Variants in SHC2 observed in about 807,000 individuals in gnomAD.
SHC2 encodes SHC adaptor protein 2.
A neutral mutation model predicts 60.6 loss-of-function variants in SHC2; 62 were observed. The ratio of observed to expected loss-of-function variants is 1.02; its 90% CI spans 0.83 to 1.26. The LOEUF is 1.26. Ranked by LOEUF, SHC2 falls within the 50% of genes most tolerant of loss-of-function variation. The probability of loss-of-function intolerance (pLI) is 0.00; values close to 1 mark genes in which losing one functional copy is unlikely to be tolerated. For missense variants in SHC2, 873 were observed against 822.2 expected (o/e 1.06, Z -0.76); for synonymous variants, 375 against 372.4 (o/e 1.01, Z -0.08).
At position 425,162 on chromosome 19, in the gene SHC2, A is replaced by C. The variant is rs1974380648; in HGVS notation, c.1244T>G (p.Val415Gly). 2.2e-6 allele frequency: 3 copies of C among 1,368,160 alleles called. No individual in the cohort carries two copies. The highest frequency in any genetic ancestry group is 1.5e-5 in the African/African-American group (1 of 66,746). The allele number at this position is 1,368,160 out of a possible 1,614,324, so 84.8% of individuals were successfully genotyped here. The change falls in exon 10 of 13, where the codon GTC becomes GGC. Residue 415 changes from valine (V) to glycine (G), a missense_variant. Physicochemically the swap from Val to Gly is moderately radical, Grantham distance 109. Coordinates refer to ENST00000264554, the MANE Select transcript of SHC2 (RefSeq NM_012435.3). This position sits in a 1 kb window ranked among gnomAD's most constrained non-coding sequence, Gnocchi z 4.1. Reference sequence around the variant, plus strand: ...GGGGGCGTCCAGACCCTGGGTGTTGACATACAGGTGCTCCTCGTGGTCCGG... The same window carrying C: ...GGGGGCGTCCAGACCCTGGGTGTTGCCATACAGGTGCTCCTCGTGGTCCGG... ...GPPDHEEHLY[V>G]NTQGLDAPEP... is the part of the protein sequence containing the mutation.
chr19:460,105 G>T (rs1260338553), intron 1 of SHC2, among the ~76,000 whole-genome samples: 1 of 152,214 alleles, frequency 6.6e-6, no homozygotes, highest in Non-Finnish European at 1.5e-5. Context: ...GGTCTGTCCG[G>T]GCGCCAGCCC....
In SHC2 at chr19:455,835, G is replaced by C. The variant is rs140436922; in HGVS notation, c.468+4694C>G. Among the ~76,000 whole-genome samples the C allele has an allele frequency of 4.5e-3, 690 of 152,122 alleles. 4 individuals are homozygous for C. Among genetic ancestry groups the C allele is most frequent in the African/African-American group, 0.016 (667 of 41,492 alleles). Reference sequence around the variant, plus strand: ...GCGCAGCCTCTTCCGGTCTCTCTCTGACTCTCACCCCCTGCTGCGAGGACA... The same window carrying C: ...GCGCAGCCTCTTCCGGTCTCTCTCTCACTCTCACCCCCTGCTGCGAGGACA... On this transcript the variant is annotated intron_variant, in intron 1 of 12. Coordinates refer to ENST00000264554, the MANE Select transcript of SHC2 (RefSeq NM_012435.3).
At chr19:439,376 G>A (rs148995921) in intron 2 of SHC2, 37 of 337,896 alleles carry the variant, frequency 1.1e-4, no homozygotes, top group Middle Eastern at 8.7e-4. Context: ...CCCTGGCCTC[G>A]GCCCACAAGG....
chr19:437,378 G>C (rs138855252), intron 4 of SHC2, among the ~76,000 whole-genome samples: 18 of 152,148 alleles, frequency 1.2e-4, no homozygotes, highest in African/African-American at 2.9e-4. Context: ...GTGCTCGTCT[G>C]CGTGCTTGTT....
intron 1 of SHC2, among the ~76,000 whole-genome samples, chr19:454,415 A>G (rs1367893114): frequency 1.3e-5 from 2 of 152,176 alleles, no homozygotes; most frequent in African/African-American, 4.8e-5. Flanking sequence ...CAGGGGAGGA[A>G]CTGACCCAGC....
At chr19:439,283 T>C (rs1974799551) in intron 2 of SHC2, 1 of 558,846 alleles carries the variant, frequency 1.8e-6, no homozygotes, top group South Asian at 2.2e-5. Flanking sequence ...ACCAGCCCAC[T>C]CCACGTGCGT....
chr19:447,597 G>C (rs926962864), intron 1 of SHC2, among the ~76,000 whole-genome samples: 1 of 152,166 alleles, frequency 6.6e-6, no homozygotes, highest in African/African-American at 2.4e-5. Context: ...TGACCAACAT[G>C]GTGAAACCCC....
In SHC2 at chr19:460,566, G is replaced by A. The variant is rs892385571; in HGVS notation, c.431C>T (p.Ala144Val). The A allele has an allele frequency of 2.1e-6, 3 of 1,418,166 alleles. No individual in the cohort carries two copies. Among genetic ancestry groups the A allele is most frequent in the Non-Finnish European group, 2.8e-6 (3 of 1,080,372 alleles). The allele number at this position is 1,418,166 out of a possible 1,614,324, so 87.8% of individuals were successfully genotyped here. Residue 144 changes from alanine (A) to valine (V), a missense_variant, in exon 1 of 13, where the codon GCC (alanine) becomes GTC (valine). Physicochemically the swap from Ala to Val is moderately conservative, Grantham distance 64. Transcript: ENST00000264554. ...GGAGACCCCGGGCCCCAGGACCCTG[G>A]CGTCGGGGTGTAGCCAGCCGTGCGC... ...KPAHGWLHPD[A>V]RVLGPGVSYV...
rs143002218 is a variant in SHC2 at position 446,450 on chromosome 19, A to G, written c.469-5518T>C. On this transcript the variant is annotated intron_variant, in intron 1 of 12. Coordinates refer to ENST00000264554, the MANE Select transcript of SHC2 (RefSeq NM_012435.3). The surrounding 1 kb of genome is among the most constrained non-coding windows in gnomAD (Gnocchi z 5.4). Reference sequence around the variant, plus strand: ...CTCAGCCTCCTGAGTAGCTGGGATTACAGGCGCCCACTACCACGCCCGGCT... The same window carrying G: ...CTCAGCCTCCTGAGTAGCTGGGATTGCAGGCGCCCACTACCACGCCCGGCT... Among the ~76,000 whole-genome samples, 123 of 152,206 alleles carry G rather than the reference A, an allele frequency of 8.1e-4. 2 individuals are homozygous for G. The East Asian group carries it at 0.019, about 24-fold the overall frequency.
intron 12 of SHC2, among the ~76,000 whole-genome samples, chr19:418,563 T>C (rs1022766003): frequency 6.6e-6 from 1 of 152,000 alleles, no homozygotes; most frequent in Non-Finnish European, 1.5e-5. Context: ...CACGGCGCAA[T>C]GCCCCTGGAG....
At chr19:451,069 G>A (rs139588277) in intron 1 of SHC2, among the ~76,000 whole-genome samples, 2,184 of 143,718 alleles carry the variant, frequency 0.015, 25 homozygotes, top group Non-Finnish European at 0.022. Context: ...GGATGGCCAC[G>A]CCGTGGCCAC....
At chr19:427,489 G>A (rs1406237104) in intron 9 of SHC2, among the ~76,000 whole-genome samples, 2 of 149,890 alleles carry the variant, frequency 1.3e-5, no homozygotes, top group Non-Finnish European at 3.0e-5. Context: ...AAGGGGAATT[G>A]CACACGGCAC....
intron 1 of SHC2, among the ~76,000 whole-genome samples, chr19:455,811 C>A (rs1427205554): frequency 6.6e-6 from 1 of 152,096 alleles, no homozygotes; most frequent in African/African-American, 2.4e-5. Context: ...GCAGCCACAG[C>A]GCAGCCTCTT....
intron 1 of SHC2, among the ~76,000 whole-genome samples, chr19:457,829 C>T (rs1185945711): frequency 6.6e-6 from 1 of 152,276 alleles, no homozygotes; most frequent in Non-Finnish European, 1.5e-5. Flanking sequence ...AACACGCCGG[C>T]CGTCGGCGTT....
rs2145729376 is a variant in SHC2 at position 441,931 on chromosome 19, G to A, written c.469-999C>T. On this transcript the variant is annotated intron_variant, in intron 1 of 12. Coordinates refer to ENST00000264554, the MANE Select transcript of SHC2 (RefSeq NM_012435.3). This position sits in a 1 kb window ranked among gnomAD's most constrained non-coding sequence, Gnocchi z 4.9. ...ATCAGCCTGAGGGCTTCTGAGGTGT[G>A]TACAGGTCACTGTGTGGGCCGGCCC... Among the ~76,000 whole-genome samples, 2 of 152,362 alleles carry A rather than the reference G, an allele frequency of 1.3e-5. No individual in the cohort carries two copies. The highest frequency in any genetic ancestry group is 4.1e-4 in the South Asian group (2 of 4,830).
At position 440,349 on chromosome 19, in the gene SHC2, C is replaced by T. The variant is rs368777364; in HGVS notation, c.539+513G>A. On this transcript the variant is annotated intron_variant, in intron 2 of 12. Coordinates refer to ENST00000264554, the MANE Select transcript of SHC2 (RefSeq NM_012435.3). This position sits in a 1 kb window ranked among gnomAD's most constrained non-coding sequence, Gnocchi z 7.0. ...CAAACTGTACATTATATCTCACATA[C>T]GCACGTGTAAACTGTCTCACATGGT... Among the ~76,000 whole-genome samples the T allele has an allele frequency of 2.6e-5, 4 of 152,148 alleles. No individual in the cohort carries two copies. Among genetic ancestry groups the T allele is most frequent in the Non-Finnish European group, 5.9e-5 (4 of 68,026 alleles).
chr19:451,509 C>T (rs1461993254), intron 1 of SHC2, among the ~76,000 whole-genome samples: 1 of 152,248 alleles, frequency 6.6e-6, no homozygotes. Flanking sequence ...GTACAAACAT[C>T]CCCTCAAGTC....
At chr19:439,318 C>T (rs1270151730) in intron 2 of SHC2, 1 of 516,476 alleles carries the variant, frequency 1.9e-6, no homozygotes, top group Middle Eastern at 5.1e-4. Flanking sequence ...GAGGCCCGGC[C>T]CCCAGCTCTG....
In SHC2 at chr19:441,864, T is replaced by C. The variant is rs1418545702; in HGVS notation, c.469-932A>G. On this transcript the variant is annotated intron_variant, in intron 1 of 12. Coordinates refer to ENST00000264554, the MANE Select transcript of SHC2 (RefSeq NM_012435.3). This position sits in a 1 kb window ranked among gnomAD's most constrained non-coding sequence, Gnocchi z 4.9. ...TTAAATGATCAACACGCAAACACTT[T>C]GACCCTGCAGCTCCATTTTTAGGAC... Among the ~76,000 whole-genome samples, 1 of 152,274 alleles carries C rather than the reference T, an allele frequency of 6.6e-6. No homozygotes were observed. Among genetic ancestry groups the C allele is most frequent in the Non-Finnish European group, 1.5e-5 (1 of 68,044 alleles).
Sources: allele counts gnomAD v4.1 joint callset (sites outside exome capture counted in the v4.1 genomes callset), GRCh38; gene constraint gnomAD v4.1.1; non-coding constraint Gnocchi (gnomAD v3.1); transcripts MANE v1.5; gene names NCBI Gene and HGNC (gene_info 2026-07-23, HGNC 2026-07-21).